Variants in FCGR3A observed in about 807,000 individuals in gnomAD.
FCGR3A encodes the protein low affinity immunoglobulin gamma Fc region receptor III-A.
FCGR3A carries 13 observed loss-of-function variants against 24.1 expected under a neutral mutation model. That is an observed-to-expected ratio of 0.54 (90% CI 0.35 to 0.86). The LOEUF is 0.86. Ranked by LOEUF, FCGR3A falls within the 40% of genes least tolerant of loss-of-function variation. The pLI, the probability that FCGR3A is intolerant of heterozygous loss-of-function variation, is 0.01. For missense variants in FCGR3A, 235 were observed against 298.0 expected, an observed-to-expected ratio of 0.79 and a Z score of 1.56; for synonymous variants, 93 against 112.2, an observed-to-expected ratio of 0.83 and a Z score of 1.08.
chr1:161,548,935 C>T (rs544593768), intron 2 of FCGR3A, 76 bp downstream of exon 2: 3 of 1,505,548 alleles, frequency 2.0e-6, no homozygotes, highest in Non-Finnish European at 2.8e-6. Context: ...ATTCAACAAG[C>T]ATTTCCCAAT....
In FCGR3A at chr1:161,548,434, T is replaced by C. The variant is rs142368299; in HGVS notation, c.306A>G (p.Leu102=). 7,392 of 1,613,896 alleles carry C rather than the reference T, an allele frequency of 4.6e-3. 3 individuals are homozygous for C. Among genetic ancestry groups the C allele is most frequent in the Non-Finnish European group, 5.6e-3 (6,579 of 1,179,746 alleles). Residue 102 remains leucine (L), a synonymous_variant, in exon 3 of 5, where the codon CTA becomes CTG. Transcript: ENST00000443193. ...TCATCAACTCACCGATATGGACTTCTAGCTGCACCGGGTCACTGAGGGTGG... is the reference window on the plus strand; with the variant it reads ...TCATCAACTCACCGATATGGACTTCCAGCTGCACCGGGTCACTGAGGGTGG... The part of the protein sequence containing the change: ...NLSTLSDPVQ[L]EVHIGWLLLQ...
intron 2 of FCGR3A, 148 bp from the exon 3 acceptor site, chr1:161,548,826 C>T (rs1377991596): frequency 4.9e-6 from 7 of 1,428,860 alleles, no homozygotes; most frequent in Admixed American, 2.0e-5. Flanking sequence ...CATTTTTGGC[C>T]TGTTCAGTAT....
chr1:161,546,922 CA>C (rs759280416), intron 3 of FCGR3A, among the ~76,000 whole-genome samples: 6 of 151,776 alleles, frequency 4.0e-5, no homozygotes, highest in African/African-American at 2.4e-5. Flanking sequence ...AAAACAAAAA[CA>C]AACACAAACA....
In FCGR3A at chr1:161,549,746, C is replaced by G; in HGVS notation, c.-10G>C. Reference sequence around the variant, plus strand: ...GGAGCAGCTGCCACATGATGCCACACTGGAGTGGACAAGTCACCAAAGATA... The same window carrying G: ...GGAGCAGCTGCCACATGATGCCACAGTGGAGTGGACAAGTCACCAAAGATA... On this transcript the variant is annotated 5_prime_UTR_variant, in exon 1 of 5. Transcript: ENST00000443193. 1 of 1,613,962 alleles carries G rather than the reference C, an allele frequency of 6.2e-7. No individual in the cohort carries two copies. Among genetic ancestry groups the G allele is most frequent in the Non-Finnish European group, 8.5e-7 (1 of 1,179,914 alleles).
rs779878638 is a variant in FCGR3A at position 161,544,961 on chromosome 1, GA to G, written c.320-4del. 1 of 1,596,020 alleles carries G rather than the reference GA, an allele frequency of 6.3e-7. No homozygotes were observed. Among genetic ancestry groups the G allele is most frequent in the African/African-American group, 1.3e-5 (1 of 74,680 alleles). ...AGGGGCCTGGAGCAACAGCCAGCCT[GA>G]AAGACACAGACACCCCAGGCCCGGG... On this transcript the variant is annotated splice_region_variant and splice_polypyrimidine_tract_variant and intron_variant, in intron 3 of 4. Transcript: ENST00000443193.
chr1:161,549,229 C>G (rs1452517753), intron 1 of FCGR3A, among the ~76,000 whole-genome samples, 198 bp from the exon 2 acceptor site: 1 of 151,214 alleles, frequency 6.6e-6, no homozygotes, highest in Non-Finnish European at 1.5e-5. Context: ...ACTGTCAACA[C>G]AAATCCCTAT....
chr1:161,548,911 A>G, intron 2 of FCGR3A, 100 bp downstream of exon 2: 1 of 1,314,750 alleles, frequency 7.6e-7, no homozygotes, highest in Non-Finnish European at 1.1e-6. Context: ...CTAACCCCAC[A>G]TCAGCATTTT....
rs1257160291 is a variant in FCGR3A at position 161,544,789 on chromosome 1, T to C, written c.489A>G (p.Thr163=). 6.2e-7 allele frequency: 1 copy of C among 1,613,550 alleles called. No individual in the cohort carries two copies. ...HNSDFYIPKA[T]LKDSGSYFCR... ...AGAAGTAGGAGCCGCTGTCTTTGAG[T>C]GTGGCTTTTGGAATGTAGAAGTCAG... Residue 163 remains threonine, a synonymous_variant, in exon 4 of 5, where the codon ACA becomes ACG. Transcript: ENST00000443193.
At chr1:161,547,586 G>A (rs1486455448) in intron 3 of FCGR3A, among the ~76,000 whole-genome samples, 1 of 152,196 alleles carries the variant, frequency 6.6e-6, no homozygotes, top group Non-Finnish European at 1.5e-5. Context: ...ACATGTATCT[G>A]CCTCTATTGG....
At position 161,544,749 on chromosome 1, in the gene FCGR3A, C is replaced by G; in HGVS notation, c.529G>C (p.Gly177Arg). Reference protein sequence around the residue: ...SGSYFCRGLFGSKNVSSETVN... With the variant: ...SGSYFCRGLFRSKNVSSETVN... ...GTCTCTGAAGACACATTTTTACTCC[C>G]AAAAAGCCCCCTGCAGAAGTAGGAG... Residue 177 changes from glycine (G) to arginine (R), a missense_variant, in exon 4 of 5, where the codon GGG becomes CGG. By Grantham distance (125) the Gly-to-Arg change is moderately radical (BLOSUM62 -2). Transcript: ENST00000443193. 3.7e-6 allele frequency: 6 copies of G among 1,612,168 alleles called. No homozygotes were observed. Among genetic ancestry groups the G allele is most frequent in the Non-Finnish European group, 5.1e-6 (6 of 1,178,450 alleles).
At chr1:161,543,450 C>T (rs1332701772) in intron 4 of FCGR3A, among the ~76,000 whole-genome samples, 4 of 152,256 alleles carry the variant, frequency 2.6e-5, no homozygotes, top group Middle Eastern at 3.4e-3. Context: ...TGACAGGGAG[C>T]GTTAACAAGT....
At chr1:161,543,364 C>T (rs1677221925) in intron 4 of FCGR3A, among the ~76,000 whole-genome samples, 165 bp from the exon 5 acceptor site, 1 of 152,104 alleles carries the variant, frequency 6.6e-6, no homozygotes, top group South Asian at 2.1e-4. Context: ...CCATTGGTTC[C>T]TGATCTTAGT....
At chr1:161,545,703 T>A (rs1409084283) in intron 3 of FCGR3A, 4 of 151,968 alleles carry the variant, frequency 2.6e-5, no homozygotes, top group Non-Finnish European at 5.9e-5. Context: ...TCGCCAGAGC[T>A]TATTCTCACG....
chr1:161,546,174 G>A (rs1229885404), intron 3 of FCGR3A, among the ~76,000 whole-genome samples: 1 of 151,988 alleles, frequency 6.6e-6, no homozygotes, highest in African/African-American at 2.4e-5. Flanking sequence ...ACAAAGATTT[G>A]CCAAACAGAA....
chr1:161,543,233 A>G (rs561236498), intron 4 of FCGR3A, 34 bp from the exon 5 acceptor site: 44 of 1,601,764 alleles, frequency 2.7e-5, no homozygotes, highest in South Asian at 2.3e-4. Context: ...AAAAAAAATG[A>G]CAGTCACTAA....
chr1:161,546,926 C>A (rs1334737819), intron 3 of FCGR3A, among the ~76,000 whole-genome samples: 2 of 151,756 alleles, frequency 1.3e-5, no homozygotes, highest in Non-Finnish European at 2.9e-5. Flanking sequence ...CAAAAACAAA[C>A]ACAAACAAAC....
chr1:161,547,532 A>C (rs1677479777), intron 3 of FCGR3A, among the ~76,000 whole-genome samples: 1 of 152,228 alleles, frequency 6.6e-6, no homozygotes, highest in African/African-American at 2.4e-5. Context: ...TATTCTGTTA[A>C]TAGTACACAA....
chr1:161,545,355 T>C, intron 3 of FCGR3A: 1 of 198,856 alleles, frequency 5.0e-6, no homozygotes, highest in Non-Finnish European at 1.0e-5. Flanking sequence ...TGAATTGCCC[T>C]ATTAGAGGAA....
upstream of FCGR3A, chr1:161,550,013 G>A (rs1677686614): frequency 2.8e-6 from 2 of 716,102 alleles, no homozygotes; most frequent in Non-Finnish European, 4.6e-6. Context: ...GAGCATCTGA[G>A]GACACACACA....
Sources: gnomAD v4.1 joint callset for allele counts (sites outside exome capture counted in the v4.1 genomes callset) on GRCh38, gnomAD v4.1.1 for gene constraint, MANE v1.5 for transcripts, NCBI Gene and HGNC (gene_info 2026-07-23, HGNC 2026-07-21) for gene names.